Variants in C1orf21 observed in about 807,000 individuals in gnomAD.
The protein encoded by C1orf21 is uncharacterized protein C1orf21.
A neutral mutation model predicts 18.7 loss-of-function variants in C1orf21; 3 were observed. The observed-to-expected ratio is 0.16, with a 90% confidence interval of 0.07 to 0.42. The LOEUF (loss-of-function observed/expected upper bound fraction) is 0.42. Among genes scored for constraint, C1orf21 ranks in the 10% least tolerant of loss-of-function variants. The pLI is 0.99. For missense variants in C1orf21, 104 were observed against 143.6 expected (o/e 0.72, Z 1.41); for synonymous variants, 41 against 46.4 (o/e 0.88, Z 0.47).
intron 3 of C1orf21, among the ~76,000 whole-genome samples, chr1:184,535,233 G>A (rs1422978143): frequency 6.6e-6 from 1 of 152,152 alleles, no homozygotes; most frequent in Non-Finnish European, 1.5e-5. Flanking sequence ...AGCTGTGTAG[G>A]AGCTTGGAAA....
chr1:184,480,551 T>A (rs979724583), intron 2 of C1orf21, among the ~76,000 whole-genome samples: 1 of 152,176 alleles, frequency 6.6e-6, no homozygotes, highest in African/African-American at 2.4e-5. Context: ...ATTTTGCAGA[T>A]GTTAGCATCT....
At chr1:184,574,582 C>CT (rs764592177) in intron 3 of C1orf21, among the ~76,000 whole-genome samples, 10 of 151,922 alleles carry the variant, frequency 6.6e-5, no homozygotes, top group South Asian at 4.2e-4. Flanking sequence ...TGTTCTTTAA[C>CT]TTTTTTTTTC....
chr1:184,401,256 C>A (rs1007043319), intron 1 of C1orf21, among the ~76,000 whole-genome samples: 12 of 151,986 alleles, frequency 7.9e-5, no homozygotes, highest in African/African-American at 2.9e-4. Flanking sequence ...GTTTCACTGT[C>A]GTTGCCCAGG....
At chr1:184,400,702 T>A (rs904676815) in intron 1 of C1orf21, among the ~76,000 whole-genome samples, 7 of 148,412 alleles carry the variant, frequency 4.7e-5, no homozygotes. Context: ...GTTGTTGTTG[T>A]TGTTGATGGG....
chr1:184,480,909 G>C (rs1657645015), intron 2 of C1orf21, among the ~76,000 whole-genome samples: 1 of 152,146 alleles, frequency 6.6e-6, no homozygotes, highest in South Asian at 2.1e-4. Flanking sequence ...AGTGGCCTTT[G>C]TCTCAAGACA....
chr1:184,396,608 G>A (rs1228822858), intron 1 of C1orf21, among the ~76,000 whole-genome samples: 1 of 152,126 alleles, frequency 6.6e-6, no homozygotes, highest in Non-Finnish European at 1.5e-5. Context: ...TGAAATTCTG[G>A]TCTATAATTC....
intron 1 of C1orf21, among the ~76,000 whole-genome samples, chr1:184,456,695 C>A (rs957882064): frequency 2.0e-5 from 3 of 152,152 alleles, no homozygotes; most frequent in African/African-American, 7.2e-5. Flanking sequence ...CTAAAATCCT[C>A]CCTTCTCTGC....
intron 3 of C1orf21, among the ~76,000 whole-genome samples, chr1:184,537,117 G>GT (rs978130906): frequency 6.6e-6 from 1 of 152,004 alleles, no homozygotes; most frequent in Non-Finnish European, 1.5e-5. Context: ...GCATGTTTGG[G>GT]TTTTTTTAAT....
chr1:184,507,316 T>G (rs375351998), intron 2 of C1orf21, among the ~76,000 whole-genome samples: 2 of 152,174 alleles, frequency 1.3e-5, no homozygotes, highest in East Asian at 3.9e-4. Context: ...CTGTTTCCTC[T>G]GCAGCATTTG....
chr1:184,397,896 T>G (rs1394885044), intron 1 of C1orf21, among the ~76,000 whole-genome samples: 1 of 152,210 alleles, frequency 6.6e-6, no homozygotes, highest in Non-Finnish European at 1.5e-5. Flanking sequence ...AAGAACACTT[T>G]AAGTTACAGC....
chr1:184,410,883 G>A (rs570020475), intron 1 of C1orf21, among the ~76,000 whole-genome samples: 46 of 149,542 alleles, frequency 3.1e-4, no homozygotes, highest in Non-Finnish European at 4.3e-4. Flanking sequence ...CTCTCCTGAC[G>A]TCAGATGATA....
At chr1:184,546,398 G>C (rs1261366428) in intron 3 of C1orf21, among the ~76,000 whole-genome samples, 2 of 152,198 alleles carry the variant, frequency 1.3e-5, no homozygotes, top group African/African-American at 4.8e-5. Context: ...TTGCACTGCT[G>C]CACTCCAGCC....
At chr1:184,462,245 G>A (rs529447474) in intron 1 of C1orf21, among the ~76,000 whole-genome samples, 24 of 152,204 alleles carry the variant, frequency 1.6e-4, no homozygotes, top group African/African-American at 4.6e-4. Context: ...GCATATGTTC[G>A]GTATTAGTTG....
intron 3 of C1orf21, among the ~76,000 whole-genome samples, chr1:184,537,485 T>C (rs1658575400): frequency 6.6e-6 from 1 of 152,228 alleles, no homozygotes; most frequent in South Asian, 2.1e-4. Context: ...TAGCTTCTCC[T>C]TTTTAAGGAT....
chr1:184,539,350 G>A (rs1260376076), intron 3 of C1orf21, among the ~76,000 whole-genome samples: 1 of 151,970 alleles, frequency 6.6e-6, no homozygotes, highest in Non-Finnish European at 1.5e-5. Flanking sequence ...ATCCCACTTG[G>A]TCATGGTGTA....
chr1:184,470,194 T>A (rs983424433), intron 1 of C1orf21, among the ~76,000 whole-genome samples: 2 of 152,198 alleles, frequency 1.3e-5, no homozygotes, highest in African/African-American at 4.8e-5. Context: ...CAAAGTTGCC[T>A]GCTATGAGGG....
chr1:184,414,664 T>A (rs12128343), intron 1 of C1orf21, among the ~76,000 whole-genome samples: 12,675 of 152,270 alleles, frequency 0.083, 826 homozygotes, highest in African/African-American at 0.18. Flanking sequence ...CAAACTATGT[T>A]TTTGTCAATA....
chr1:184,530,584 CTCTTTTT>C (rs1372549135), intron 3 of C1orf21, among the ~76,000 whole-genome samples: 15 of 146,204 alleles, frequency 1.0e-4, no homozygotes, highest in East Asian at 5.9e-4. Flanking sequence ...TCTTAAAAGT[CTCTTTTT>C]TCTTTTTTCT....
chr1:184,575,522 A>T (rs917630421), intron 3 of C1orf21, among the ~76,000 whole-genome samples: 3 of 151,956 alleles, frequency 2.0e-5, no homozygotes, highest in Non-Finnish European at 4.4e-5. Context: ...CTAATCATAG[A>T]AGTGCTAGAA....
Sources: gnomAD v4.1 joint callset for allele counts (sites outside exome capture counted in the v4.1 genomes callset) on GRCh38, gnomAD v4.1.1 for gene constraint, MANE v1.5 for transcripts, NCBI Gene and HGNC (gene_info 2026-07-23, HGNC 2026-07-21) for gene names.